Variants in YPEL5 observed in about 807,000 individuals in gnomAD.
YPEL5 encodes yippee like 5, also known as protein yippee-like 5.
YPEL5 carries 1 observed loss-of-function variant against 10.5 expected under a neutral mutation model. That is an observed-to-expected ratio of 0.10 (90% CI 0.03 to 0.45). The LOEUF (loss-of-function observed/expected upper bound fraction) is 0.45, where lower values mean the gene tolerates loss of function less well. YPEL5 is among the 20% of genes least tolerant of loss of function. The pLI is 0.97. For missense variants in YPEL5, 68 were observed against 159.3 expected, an observed-to-expected ratio of 0.43 and a Z score of 3.09; for synonymous variants, 61 against 56.6, an observed-to-expected ratio of 1.08 and a Z score of -0.35.
chr2:30,147,573 A>G (rs1675503665), intron 1 of YPEL5: 1 of 148,860 alleles, frequency 6.7e-6, no homozygotes, highest in South Asian at 2.2e-4. Context: ...AACTTGACCG[A>G]GTTGTTTGGG....
At chr2:30,155,341 C>T (rs920217039) in intron 1 of YPEL5, among the ~76,000 whole-genome samples, 1 of 152,212 alleles carries the variant, frequency 6.6e-6, no homozygotes, top group Admixed American at 6.5e-5. Flanking sequence ...ACATTAAGAC[C>T]GCCTAATGGC....
At chr2:30,152,159 C>T (rs528669525) in intron 1 of YPEL5, among the ~76,000 whole-genome samples, 17 of 151,860 alleles carry the variant, frequency 1.1e-4, no homozygotes, top group African/African-American at 4.1e-4. Context: ...CTTAATAAAG[C>T]GGTTTTTTTT....
At chr2:30,154,900 G>A (rs1259523206) in intron 1 of YPEL5, among the ~76,000 whole-genome samples, 1 of 152,096 alleles carries the variant, frequency 6.6e-6, no homozygotes, top group East Asian at 1.9e-4. Flanking sequence ...CACCACGTCT[G>A]ACTAATTTTT....
At chr2:30,156,965 C>T (rs961965985) in intron 2 of YPEL5, among the ~76,000 whole-genome samples, 173 bp downstream of exon 2, 6 of 152,058 alleles carry the variant, frequency 3.9e-5, no homozygotes, top group East Asian at 3.8e-4. Context: ...GAAGGTGTTA[C>T]TAGGATGTGA....
chr2:30,155,359 GT>G (rs1320797031), intron 1 of YPEL5, among the ~76,000 whole-genome samples: 1 of 152,198 alleles, frequency 6.6e-6, no homozygotes. Flanking sequence ...GGCTGGGGAA[GT>G]TCATAGACCT....
At chr2:30,152,402 T>TGAATCA (rs1397553487) in intron 1 of YPEL5, among the ~76,000 whole-genome samples, 1 of 152,180 alleles carries the variant, frequency 6.6e-6, no homozygotes, top group Non-Finnish European at 1.5e-5. Flanking sequence ...TTGAATCTAA[T>TGAATCA]ACAGTGATGA....
intron 2 of YPEL5, among the ~76,000 whole-genome samples, 178 bp downstream of exon 2, chr2:30,156,970 A>G (rs1427464055): frequency 6.6e-6 from 1 of 152,156 alleles, no homozygotes; most frequent in Non-Finnish European, 1.5e-5. Flanking sequence ...TGTTACTAGG[A>G]TGTGATTTTA....
chr2:30,149,951 C>T (rs1018814800), intron 1 of YPEL5, among the ~76,000 whole-genome samples: 1 of 152,184 alleles, frequency 6.6e-6, no homozygotes, highest in African/African-American at 2.4e-5. Context: ...CTATGAGATG[C>T]GAATAGATAC....
intron 1 of YPEL5, among the ~76,000 whole-genome samples, chr2:30,150,286 T>A (rs566322190): frequency 6.6e-6 from 1 of 152,362 alleles, no homozygotes; most frequent in South Asian, 2.1e-4. Context: ...CTAGTTTTAC[T>A]GACCTTTATT....
At chr2:30,150,585 A>G (rs1225933023) in intron 1 of YPEL5, among the ~76,000 whole-genome samples, 1 of 152,232 alleles carries the variant, frequency 6.6e-6, no homozygotes, top group East Asian at 1.9e-4. Context: ...GATCTTCAAC[A>G]TGCTGAACTG....
In YPEL5 at chr2:30,153,889, CAG is replaced by C. The variant is rs779987199; in HGVS notation, c.-24-2738_-24-2737del. On this transcript the variant is annotated intron_variant, in intron 1 of 2. Coordinates refer to ENST00000261353, the MANE Select transcript of YPEL5 (RefSeq NM_016061.3). ...GGTAAAGAGAAAAAATAGATGGAATCAGGGGAAAAAGGCATGTTAAATGTATT... is the reference window on the plus strand; with the variant it reads ...GGTAAAGAGAAAAAATAGATGGAATCGGGAAAAAGGCATGTTAAATGTATT... 8.7e-4 allele frequency among the ~76,000 whole-genome samples: 133 copies of C among 152,204 alleles called. 1 individual carries two copies. The highest frequency in any genetic ancestry group is 2.7e-3 in the African/African-American group (111 of 41,548).
intron 1 of YPEL5, among the ~76,000 whole-genome samples, chr2:30,150,178 G>A (rs756225937): frequency 7.9e-5 from 12 of 152,226 alleles, no homozygotes; most frequent in Non-Finnish European, 1.6e-4. Context: ...AGCAGGAAGT[G>A]AAGCCAGTTA....
At chr2:30,150,861 A>G (rs540907571) in intron 1 of YPEL5, among the ~76,000 whole-genome samples, 63 of 152,362 alleles carry the variant, frequency 4.1e-4, no homozygotes, top group African/African-American at 1.5e-3. Flanking sequence ...GCAGCTCCTC[A>G]TACCTCTTCA....
intron 1 of YPEL5, among the ~76,000 whole-genome samples, chr2:30,152,936 T>C (rs1435841268): frequency 7.3e-5 from 11 of 151,020 alleles, no homozygotes; most frequent in Non-Finnish European, 1.3e-4. Context: ...AGTCTCATTC[T>C]GTGGCCCAGG....
Position 30,152,309 on chromosome 2 carries a change from A to G in YPEL5, c.-24-4319A>G, listed in dbSNP as rs75170060. On this transcript the variant is annotated intron_variant, in intron 1 of 2. Coordinates refer to ENST00000261353, the MANE Select transcript of YPEL5 (RefSeq NM_016061.3). ...ATTTTTGTAGCTCTATGTAGCAGAA[A>G]TGAAGTGGTACGTATGAATGTATGT... is the stretch of plus-strand genomic sequence containing the variant. Among the ~76,000 whole-genome samples, 1,242 of 152,334 alleles carry G rather than the reference A, an allele frequency of 8.2e-3. 21 individuals carry two copies. Among genetic ancestry groups the G allele is most frequent in the African/African-American group, 0.029 (1,192 of 41,560 alleles).
Position 30,152,923 on chromosome 2 carries a change from C to T in YPEL5, c.-24-3705C>T, listed in dbSNP as rs184431556. On this transcript the variant is annotated intron_variant, in intron 1 of 2. Coordinates refer to ENST00000261353, the MANE Select transcript of YPEL5 (RefSeq NM_016061.3). Reference sequence around the variant, plus strand: ...TTTTTTTTTTTTGGTTTTTTTGAGACGGAGTCTCATTCTGTGGCCCAGGCT... The same window carrying T: ...TTTTTTTTTTTTGGTTTTTTTGAGATGGAGTCTCATTCTGTGGCCCAGGCT... 1.9e-4 allele frequency among the ~76,000 whole-genome samples: 25 copies of T among 131,894 alleles called. No individual in the cohort carries two copies. The East Asian group carries it at 4.2e-3, about 22-fold the overall frequency. 86.5% of individuals were successfully genotyped at this position (131,894 alleles called of 152,430 possible).
At chr2:30,149,138 C>G (rs536401429) in intron 1 of YPEL5, among the ~76,000 whole-genome samples, 82 of 152,290 alleles carry the variant, frequency 5.4e-4, no homozygotes, top group African/African-American at 1.9e-3. Flanking sequence ...GGATGACCAA[C>G]TCAGATTGTG....
At position 30,160,029 on chromosome 2, in the gene YPEL5, T is replaced by G. The variant is rs1676213508; in HGVS notation, c.*1186T>G. On this transcript the variant is annotated 3_prime_UTR_variant, in exon 3 of 3. Coordinates refer to ENST00000261353, the MANE Select transcript of YPEL5 (RefSeq NM_016061.3). ...GGGATCAAATTTGACCTGGTGTTAT[T>G]TTAGCCCCAAATTTATGACATTACA... 6.6e-6 allele frequency: 1 copy of G among 152,666 alleles called. No homozygotes were observed. Among genetic ancestry groups the G allele is most frequent in the Admixed American group, 6.5e-5 (1 of 15,284 alleles). 9.5% of individuals were successfully genotyped at this position (152,666 alleles called of 1,614,324 possible). A position where few individuals can be genotyped will look rare whatever the true frequency, so the allele number is the denominator to read the frequency against.
chr2:30,151,836 A>G (rs1193076869), intron 1 of YPEL5, among the ~76,000 whole-genome samples: 1 of 152,200 alleles, frequency 6.6e-6, no homozygotes. Flanking sequence ...CTGTGAAAGC[A>G]GCTCACTCTT....
Sources: gnomAD v4.1 joint callset for allele counts (sites outside exome capture counted in the v4.1 genomes callset) on GRCh38, gnomAD v4.1.1 for gene constraint, MANE v1.5 for transcripts, NCBI Gene and HGNC (gene_info 2026-07-23, HGNC 2026-07-21) for gene names.